The following STXBP5 variants were observed in gnomAD, a reference collection of about 807,000 sequenced individuals.
The protein encoded by STXBP5 is syntaxin binding protein 5.
A neutral mutation model predicts 152.4 loss-of-function variants in STXBP5; 50 were observed. The ratio of observed to expected loss-of-function variants is 0.33; its 90% CI spans 0.26 to 0.42. The LOEUF is 0.42. Among genes scored for constraint, STXBP5 ranks in the 10% least tolerant of loss-of-function variants. STXBP5 has a pLI of 1.00. For missense variants in STXBP5, 1,167 were observed against 1,388.6 expected, an observed-to-expected ratio of 0.84 and a Z score of 2.54; for synonymous variants, 492 against 494.7, an observed-to-expected ratio of 0.99 and a Z score of 0.07.
chr6:147,272,392 C>A (rs945564352), intron 7 of STXBP5, among the ~76,000 whole-genome samples: 2 of 152,168 alleles, frequency 1.3e-5, no homozygotes, highest in Non-Finnish European at 2.9e-5. Context: ...ATCATGTGTT[C>A]TAAATGACGG....
intron 6 of STXBP5, among the ~76,000 whole-genome samples, chr6:147,264,859 C>T (rs1779814341): frequency 6.6e-6 from 1 of 152,036 alleles, no homozygotes; most frequent in Non-Finnish European, 1.5e-5. Flanking sequence ...AACCTGTTGT[C>T]ACATATTTCT....
At position 147,316,216 on chromosome 6, in the gene STXBP5, A is replaced by T; in HGVS notation, c.1624-13A>T. The T allele has an allele frequency of 8.1e-6, 13 of 1,612,852 alleles. No homozygotes were observed. The highest frequency in any genetic ancestry group is 1.1e-5 in the Non-Finnish European group (13 of 1,179,120). ...TTATTAGGAGTAAGTAAACTACCTTACTTTTACAACAGATGCTTGAAGTTC... is the reference window on the plus strand; with the variant it reads ...TTATTAGGAGTAAGTAAACTACCTTTCTTTTACAACAGATGCTTGAAGTTC... On this transcript the variant is annotated splice_polypyrimidine_tract_variant and intron_variant, in intron 15 of 27. Transcript: ENST00000321680.
At position 147,363,638 on chromosome 6, in the gene STXBP5, T is replaced by C. The variant is rs757057243; in HGVS notation, c.2849T>C (p.Ile950Thr). The C allele has an allele frequency of 3.8e-5, 61 of 1,614,016 alleles. No individual in the cohort carries two copies. Among genetic ancestry groups the C allele is most frequent in the South Asian group, 6.6e-5 (6 of 91,074 alleles). ...ACCTCGTTTGTGCTTCGTGGAGATA[T>C]TGTAGCATTGAGTAACAGTATCTGC... ...TETSFVLRGD[I>T]VALSNSICLA... Residue 950 changes from isoleucine (I) to threonine (T), a missense_variant, in exon 24 of 28, where the codon ATT (isoleucine) becomes ACT (threonine). By Grantham distance (89) the Ile-to-Thr change is moderately conservative. Around this residue, in one of 3 missense-constraint regions of STXBP5, gnomAD observed 833 missense variants for 986.3 expected, o/e 0.84. Coordinates refer to ENST00000321680, the MANE Select transcript of STXBP5 (RefSeq NM_001127715.4).
chr6:147,359,192 G>A lies in STXBP5; in HGVS notation c.2414G>A (p.Arg805Gln), dbSNP rs185276341. Residue 805 changes from arginine (R) to glutamine (Q), a missense_variant, in exon 23 of 28, where the codon CGA (arginine) becomes CAA (glutamine). Physicochemically the swap from Arg to Gln is conservative, Grantham distance 43 (BLOSUM62 1). This residue lies in a region of STXBP5 where 833 missense variants were observed against 986.3 expected (regional missense o/e 0.84). Coordinates refer to ENST00000321680, the MANE Select transcript of STXBP5 (RefSeq NM_001127715.4). ...SALHFCETFT[R>Q]KTDSSPSPCL... ...CTTCATTTCTGTGAAACGTTTACTC[G>A]AAAGACGGACTCGTCCCCTTCCCCT... 6.2e-6 allele frequency: 10 copies of A among 1,613,880 alleles called. No individual in the cohort carries two copies. The African/African-American group carries it at 8.0e-5, about 13-fold the overall frequency.
chr6:147,336,089 A>AC (rs1376605706), intron 19 of STXBP5, among the ~76,000 whole-genome samples: 7 of 152,320 alleles, frequency 4.6e-5, no homozygotes, highest in African/African-American at 1.4e-4. Flanking sequence ...ATTCTGAAAA[A>AC]CATAGGAATT....
Position 147,229,289 on chromosome 6 carries a change from T to G in STXBP5, c.249-5961T>G, listed in dbSNP as rs570740851. 2.6e-5 allele frequency among the ~76,000 whole-genome samples: 4 copies of G among 152,038 alleles called. No homozygotes were observed. The South Asian group carries it at 8.3e-4, about 32-fold the overall frequency. ...TTTGCTTGCCTTAAATTCATTGCCT[T>G]TTTTTTATTACCTATTCATATATGG... On this transcript the variant is annotated intron_variant, in intron 2 of 27. Coordinates refer to ENST00000321680, the MANE Select transcript of STXBP5 (RefSeq NM_001127715.4).
intron 7 of STXBP5, 129 bp from the exon 8 acceptor site, chr6:147,277,952 A>G (rs892785532): frequency 1.3e-6 from 1 of 766,802 alleles, no homozygotes; most frequent in Non-Finnish European, 2.0e-6. Flanking sequence ...TATTATGGAA[A>G]TGTTAAGTTC....
chr6:147,373,953 T>A, intron 26 of STXBP5, 111 bp downstream of exon 26: 1 of 617,914 alleles, frequency 1.6e-6, no homozygotes, highest in South Asian at 2.3e-5. Context: ...TTGTCACAAT[T>A]ACTATTTCCA....
rs532050429 is a variant in STXBP5 at position 147,294,616 on chromosome 6, T to C, written c.917+3444T>C. On this transcript the variant is annotated intron_variant, in intron 9 of 27. Coordinates refer to ENST00000321680, the MANE Select transcript of STXBP5 (RefSeq NM_001127715.4). ...GAAGAATCTAGTATTCCTTCCTAAA[T>C]TGAGAATCATATTTATCTGAAAGAG... 2.0e-5 allele frequency among the ~76,000 whole-genome samples: 3 copies of C among 152,256 alleles called. No individual in the cohort carries two copies. In the East Asian group the frequency reaches 5.8e-4, roughly 30 times the overall value.
chr6:147,380,643 AG>A (rs1405591631), intron 26 of STXBP5, among the ~76,000 whole-genome samples: 13 of 150,782 alleles, frequency 8.6e-5, no homozygotes, highest in African/African-American at 3.2e-4. Context: ...AAGCAACCAA[AG>A]GAAAAAAAAA....
intron 2 of STXBP5, among the ~76,000 whole-genome samples, chr6:147,233,944 A>G (rs73582526): frequency 7.2e-4 from 108 of 150,924 alleles, no homozygotes; most frequent in African/African-American, 2.5e-3. Flanking sequence ...ACTATGAGCT[A>G]AACATACTCA....
intron 9 of STXBP5, among the ~76,000 whole-genome samples, chr6:147,296,930 A>G (rs1781556012): frequency 6.6e-6 from 1 of 152,146 alleles, no homozygotes; most frequent in Non-Finnish European, 1.5e-5. Context: ...GAAAAAAAAT[A>G]AGAATAAAAA....
chr6:147,282,473 ATTAC>A (rs1780747556), intron 8 of STXBP5, among the ~76,000 whole-genome samples: 1 of 152,184 alleles, frequency 6.6e-6, no homozygotes, highest in Non-Finnish European at 1.5e-5. Flanking sequence ...CTTAAGCTTT[ATTAC>A]TTGTAAAATG....
intron 21 of STXBP5, among the ~76,000 whole-genome samples, chr6:147,348,375 C>A (rs948796764): frequency 6.6e-6 from 1 of 151,886 alleles, no homozygotes; most frequent in South Asian, 2.1e-4. Flanking sequence ...CTCCTACTCC[C>A]TGTCCCCACC....
At chr6:147,233,672 G>A (rs1778124679) in intron 2 of STXBP5, among the ~76,000 whole-genome samples, 1 of 151,566 alleles carries the variant, frequency 6.6e-6, no homozygotes, top group South Asian at 2.1e-4. Context: ...GGGTAGAAGG[G>A]CAGTTTCTTT....
Position 147,386,084 on chromosome 6 carries a change from G to A in STXBP5, c.*1329G>A, listed in dbSNP as rs1267611712. 2 of 151,942 alleles carry A rather than the reference G, an allele frequency of 1.3e-5. No homozygotes were observed. Among genetic ancestry groups the A allele is most frequent in the Middle Eastern group, 3.2e-3 (1 of 316 alleles). The allele number at this position is 151,942 out of a possible 1,614,324, so 9.4% of individuals were successfully genotyped here. A position where few individuals can be genotyped will look rare whatever the true frequency, so the allele number is the denominator to read the frequency against. ...CAATGAATGATTGTTTCATAGAATAGCATTACGGGCAGGAAAGAAACCACC... is the reference window on the plus strand; with the variant it reads ...CAATGAATGATTGTTTCATAGAATAACATTACGGGCAGGAAAGAAACCACC... On this transcript the variant is annotated 3_prime_UTR_variant, in exon 28 of 28. Coordinates refer to ENST00000321680, the MANE Select transcript of STXBP5 (RefSeq NM_001127715.4).
intron 21 of STXBP5, 109 bp downstream of exon 21, chr6:147,339,493 A>G: frequency 2.5e-6 from 2 of 804,884 alleles, no homozygotes; most frequent in South Asian, 2.7e-5. Context: ...TGTTGTTCCT[A>G]TGCTAAAAAA....
At chr6:147,365,498 T>C (rs1785251834) in intron 25 of STXBP5, among the ~76,000 whole-genome samples, 1 of 152,206 alleles carries the variant, frequency 6.6e-6, no homozygotes, top group African/African-American at 2.4e-5. Flanking sequence ...TATCCTTTAG[T>C]TGGTGTTTTC....
chr6:147,314,877 C>G (rs980621488), intron 14 of STXBP5, among the ~76,000 whole-genome samples: 2 of 151,980 alleles, frequency 1.3e-5, no homozygotes, highest in African/African-American at 4.8e-5. Context: ...TTCTTCAAAC[C>G]TTATCTTCCT....
Sources: allele counts gnomAD v4.1 joint callset (sites outside exome capture counted in the v4.1 genomes callset), GRCh38; gene constraint gnomAD v4.1.1; regional missense constraint gnomAD v4.1.1; transcripts MANE v1.5; gene names NCBI Gene and HGNC (gene_info 2026-07-23, HGNC 2026-07-21).